The following ARID2 variants were observed in gnomAD, a reference collection of about 807,000 sequenced individuals.
ARID2 encodes the protein AT-rich interactive domain-containing protein 2.
Under a neutral mutation model 184.6 loss-of-function variants are expected in ARID2, and 32 were observed. The observed-to-expected ratio is 0.17, with a 90% confidence interval of 0.13 to 0.23. ARID2 has a LOEUF of 0.23. Among genes scored for constraint, ARID2 ranks in the 10% least tolerant of loss-of-function variants. The pLI, the probability that ARID2 is intolerant of heterozygous loss-of-function variation, is 1.00. For synonymous variants in ARID2, 836 were observed against 772.6 expected, an observed-to-expected ratio of 1.08 and a Z score of -1.36; for missense variants, 1,696 against 2,197.6, an observed-to-expected ratio of 0.77 and a Z score of 4.56.
chr12:45,735,219 G>C (rs1363150190), intron 3 of ARID2, among the ~76,000 whole-genome samples: 3 of 151,664 alleles, frequency 2.0e-5, no homozygotes, highest in Admixed American at 6.6e-5. Context: ...TCTAGTTAGT[G>C]TCCACCATAT....
intron 2 of ARID2, 82 bp from the exon 3 acceptor site, chr12:45,731,135 T>C (rs1940986774): frequency 2.0e-6 from 2 of 1,021,060 alleles, no homozygotes; most frequent in Non-Finnish European, 3.1e-6. Flanking sequence ...CAGATCTCTG[T>C]AGAATGGGTA....
intron 3 of ARID2, among the ~76,000 whole-genome samples, chr12:45,748,970 C>T (rs1014450311): frequency 7.9e-5 from 12 of 152,112 alleles, no homozygotes; most frequent in African/African-American, 2.2e-4. Context: ...AAGTTATCTA[C>T]GAGGATTGGA....
At chr12:45,849,180 T>C (rs1592118026) in intron 13 of ARID2, among the ~76,000 whole-genome samples, 1 of 152,170 alleles carries the variant, frequency 6.6e-6, no homozygotes, top group Admixed American at 6.5e-5. Context: ...ATGAGATTTA[T>C]CAAAGAAATG....
rs2136462138 is a variant in ARID2 at position 45,893,436 on chromosome 12, G to C, written c.5164G>C (p.Gly1722Arg). ...KSSTKQPTVG[G>R]TSSTPRAQKA... ...TCAATTTAGGCAGCCAACTGTAGGG[G>C]GCACAAGCTCAACTCCTAGAGCACA... The change falls in exon 19 of 21, where the codon GGC becomes CGC. Residue 1722 changes from glycine (G) to arginine (R), a missense_variant. Gly to Arg is a moderately radical substitution (Grantham distance 125). This residue lies in a region of ARID2 where 58 missense variants were observed against 47.1 expected (regional missense o/e 1.23). Coordinates refer to ENST00000334344, the MANE Select transcript of ARID2 (RefSeq NM_152641.4). 6.2e-7 allele frequency: 1 copy of C among 1,613,358 alleles called. No individual in the cohort carries two copies. Among genetic ancestry groups the C allele is most frequent in the Non-Finnish European group, 8.5e-7 (1 of 1,179,618 alleles).
chr12:45,836,119 G>T (rs1330942630), intron 6 of ARID2, among the ~76,000 whole-genome samples: 1 of 152,104 alleles, frequency 6.6e-6, no homozygotes, highest in African/African-American at 2.4e-5. Flanking sequence ...TTACATCAAA[G>T]AATTAATTCC....
At chr12:45,904,655 C>T (rs1053864110) in intron 20 of ARID2, among the ~76,000 whole-genome samples, 5 of 135,700 alleles carry the variant, frequency 3.7e-5, no homozygotes, top group African/African-American at 1.1e-4. Context: ...TGCGCCATTA[C>T]ACTCCAGCCT....
At chr12:45,849,472 G>A in intron 13 of ARID2, 108 bp from the exon 14 acceptor site, 1 of 791,598 alleles carries the variant, frequency 1.3e-6, no homozygotes, top group Non-Finnish European at 2.0e-6. Context: ...AGTCATACTG[G>A]TTCATACATA....
Position 45,888,586 on chromosome 12 carries a change from C to A in ARID2, c.4923-3194C>A, listed in dbSNP as rs1455813435. Among the ~76,000 whole-genome samples, 9 of 152,150 alleles carry A rather than the reference C, an allele frequency of 5.9e-5. No individual in the cohort carries two copies. In the South Asian group the frequency reaches 6.2e-4, roughly 10 times the overall value. On this transcript the variant is annotated intron_variant, in intron 16 of 20. Transcript: ENST00000334344. Reference sequence around the variant, plus strand: ...CAAGACGTTACCAGTACCTCCACTACCCCTTACCACCACTACTGCTACTAT... The same window carrying A: ...CAAGACGTTACCAGTACCTCCACTAACCCTTACCACCACTACTGCTACTAT...
At chr12:45,897,633 G>T (rs1472819639) in intron 20 of ARID2, among the ~76,000 whole-genome samples, 2 of 152,062 alleles carry the variant, frequency 1.3e-5, no homozygotes, top group Admixed American at 6.6e-5. Context: ...ATTGAAGGCA[G>T]GGAATTGAAA....
At chr12:45,824,264 G>A (rs1323366636) in intron 6 of ARID2, among the ~76,000 whole-genome samples, 1 of 151,994 alleles carries the variant, frequency 6.6e-6, no homozygotes, top group East Asian at 1.9e-4. Flanking sequence ...TTTTTATCAA[G>A]AAGAAATGTT....
At chr12:45,890,727 T>C (rs1321410601) in intron 16 of ARID2, among the ~76,000 whole-genome samples, 4 of 152,140 alleles carry the variant, frequency 2.6e-5, no homozygotes, top group African/African-American at 9.7e-5. Flanking sequence ...TTAAATTTTA[T>C]TTTAAAATAT....
In ARID2 at chr12:45,905,272, A is replaced by G; in HGVS notation, c.*194A>G. On this transcript the variant is annotated 3_prime_UTR_variant, in exon 21 of 21. Coordinates refer to ENST00000334344, the MANE Select transcript of ARID2 (RefSeq NM_152641.4). ...TTTGTTCTCTGTTTAAAAAAATCTA[A>G]AAAGAAAAAGGAAAAAAAAAAAAGA... The G allele has an allele frequency of 2.0e-6, 1 of 511,010 alleles. No homozygotes were observed. The highest frequency in any genetic ancestry group is 5.5e-4 in the Middle Eastern group (1 of 1,808). 31.7% of individuals were successfully genotyped at this position (511,010 alleles called of 1,614,324 possible).
chr12:45,798,116 A>C (rs889799567), intron 3 of ARID2, among the ~76,000 whole-genome samples: 5 of 152,192 alleles, frequency 3.3e-5, no homozygotes, highest in Non-Finnish European at 5.9e-5. Flanking sequence ...ATGTGTCACC[A>C]AATACAGATC....
At chr12:45,833,388 ATACT>A (rs1367464788) in intron 6 of ARID2, among the ~76,000 whole-genome samples, 3 of 152,200 alleles carry the variant, frequency 2.0e-5, no homozygotes, top group East Asian at 1.9e-4. Flanking sequence ...ATCACTGAAC[ATACT>A]TAATAGTTTT....
At chr12:45,840,915 C>T (rs1249861033) in intron 11 of ARID2, 1 of 152,184 alleles carries the variant, frequency 6.6e-6, no homozygotes, top group African/African-American at 2.4e-5. Flanking sequence ...GGACAAATAA[C>T]AGAAGGCACA....
intron 3 of ARID2, among the ~76,000 whole-genome samples, chr12:45,793,818 C>T (rs979045638): frequency 6.7e-6 from 1 of 149,554 alleles, no homozygotes; most frequent in Non-Finnish European, 1.5e-5. Flanking sequence ...TGCAGGTCTG[C>T]TGGTTTTAAA....
chr12:45,779,977 G>A (rs912416828), intron 3 of ARID2, among the ~76,000 whole-genome samples: 2 of 152,046 alleles, frequency 1.3e-5, no homozygotes, highest in African/African-American at 4.8e-5. Flanking sequence ...TAACTTCTAG[G>A]CCTCAGTTTC....
At chr12:45,792,384 C>T (rs1425379746) in intron 3 of ARID2, among the ~76,000 whole-genome samples, 1 of 152,128 alleles carries the variant, frequency 6.6e-6, no homozygotes, top group Non-Finnish European at 1.5e-5. Context: ...CTAATATGTA[C>T]TGTGATCAGA....
At chr12:45,807,034 A>G (rs550822943) in intron 3 of ARID2, among the ~76,000 whole-genome samples, 2 of 152,288 alleles carry the variant, frequency 1.3e-5, no homozygotes, top group South Asian at 2.1e-4. Flanking sequence ...GGGAAATCCA[A>G]ATTGAACTTG....
Sources: allele counts gnomAD v4.1 joint callset (sites outside exome capture counted in the v4.1 genomes callset), GRCh38; gene constraint gnomAD v4.1.1; regional missense constraint gnomAD v4.1.1; transcripts MANE v1.5; gene names NCBI Gene and HGNC (gene_info 2026-07-23, HGNC 2026-07-21).